Variants in PAX2 observed in about 807,000 individuals in gnomAD.
The protein encoded by PAX2 is paired box protein Pax-2.
PAX2 carries 9 observed loss-of-function variants against 41.7 expected under a neutral mutation model. The ratio of observed to expected loss-of-function variants is 0.22; its 90% CI spans 0.13 to 0.38. PAX2 has a LOEUF of 0.38. Among genes scored for constraint, PAX2 ranks in the 10% least tolerant of loss-of-function variants. The pLI is 1.00. For synonymous variants in PAX2, 221 were observed against 212.7 expected (o/e 1.04, Z -0.34); for missense variants, 418 against 531.6 (o/e 0.79, Z 2.10).
rs1847108393 is a variant in PAX2 at position 100,791,339 on chromosome 10, A to G, written c.616+9974A>G. On this transcript the variant is annotated intron_variant, in intron 5 of 9. Transcript: ENST00000355243. The surrounding 1 kb of genome is among the most constrained non-coding windows in gnomAD (Gnocchi z 4.5). ...TTCACCTTTTTCAGGAGGACTGGCT[A>G]GAGTGTGTGTGCATGTGTATGTGTG... Among the ~76,000 whole-genome samples the G allele has an allele frequency of 6.6e-6, 1 of 151,986 alleles. No individual in the cohort carries two copies.
At chr10:100,777,051 TAG>T (rs1291131621) in intron 3 of PAX2, among the ~76,000 whole-genome samples, 1 of 151,886 alleles carries the variant, frequency 6.6e-6, no homozygotes, top group Non-Finnish European at 1.5e-5. Flanking sequence ...ACAAAAAGCA[TAG>T]ATTTTAGAGG....
At chr10:100,738,297 G>A (rs764858109) in intron 1 of PAX2, among the ~76,000 whole-genome samples, 1 of 152,230 alleles carries the variant, frequency 6.6e-6, no homozygotes, top group African/African-American at 2.4e-5. Context: ...TAACTGCTGT[G>A]TTGACCTGCA....
chr10:100,781,639 A>G (rs1437931175), intron 5 of PAX2, among the ~76,000 whole-genome samples: 1 of 152,202 alleles, frequency 6.6e-6, no homozygotes, highest in African/African-American at 2.4e-5. Context: ...AGGAGAAGCA[A>G]GAACCGTTTA....
In PAX2 at chr10:100,824,970, T is replaced by G; in HGVS notation, c.1021+221T>G. On this transcript the variant is annotated intron_variant, in intron 8 of 9. Coordinates refer to ENST00000355243, the MANE Select transcript of PAX2 (RefSeq NM_000278.5). This position sits in a 1 kb window ranked among gnomAD's most constrained non-coding sequence, Gnocchi z 6.6. Reference sequence around the variant, plus strand: ...GAGGAAGCTTGCAGAAGTGCCCCCTTGTGTGCAACCCACTGTATGTCATGG... The same window carrying G: ...GAGGAAGCTTGCAGAAGTGCCCCCTGGTGTGCAACCCACTGTATGTCATGG... 6.2e-7 allele frequency: 1 copy of G among 1,613,956 alleles called. No homozygotes were observed. Among genetic ancestry groups the G allele is most frequent in the Non-Finnish European group, 8.5e-7 (1 of 1,179,922 alleles).
In PAX2 at chr10:100,819,125, G is replaced by A. The variant is rs1317668577; in HGVS notation, c.920-5523G>A. On this transcript the variant is annotated intron_variant, in intron 7 of 9. Coordinates refer to ENST00000355243, the MANE Select transcript of PAX2 (RefSeq NM_000278.5). ...TAGCTGGGTGCAGTGGCAGGCGCTT[G>A]TAATCCCAGCTACTCGTGAGGCTGA... Among the ~76,000 whole-genome samples the A allele has an allele frequency of 4.6e-5, 7 of 151,916 alleles. No homozygotes were observed. In the South Asian group the frequency reaches 1.0e-3, roughly 23 times the overall value.
rs201495362 is a variant in PAX2 at position 100,827,671 on chromosome 10, C to A, written c.*52C>A. The A allele has an allele frequency of 6.8e-6, 11 of 1,613,430 alleles. No homozygotes were observed. Among genetic ancestry groups the A allele is most frequent in the South Asian group, 6.6e-5 (6 of 91,050 alleles). On this transcript the variant is annotated 3_prime_UTR_variant, in exon 10 of 10. Coordinates refer to ENST00000355243, the MANE Select transcript of PAX2 (RefSeq NM_000278.5). This position sits in a 1 kb window ranked among gnomAD's most constrained non-coding sequence, Gnocchi z 8.5. ...AGGCCGACAGCTTCGGCCTCCACAT[C>A]GTCCCCGTCTGACCCCACCCCGGAG...
rs1362554569 is a variant in PAX2 at position 100,827,767 on chromosome 10, C to A, written c.*148C>A. On this transcript the variant is annotated 3_prime_UTR_variant, in exon 10 of 10. Coordinates refer to ENST00000355243, the MANE Select transcript of PAX2 (RefSeq NM_000278.5). The surrounding 1 kb of genome is among the most constrained non-coding windows in gnomAD (Gnocchi z 8.5). ...GCCTCACCCCATCCCACGACCCCCG[C>A]AACCCTTCACATCACCCCCCTCGAA... The A allele has an allele frequency of 8.6e-5, 103 of 1,199,734 alleles. No individual in the cohort carries two copies. The highest frequency in any genetic ancestry group is 1.2e-4 in the Non-Finnish European group (97 of 820,992). The allele number at this position is 1,199,734 out of a possible 1,614,324, so 74.3% of individuals were successfully genotyped here.
intron 1 of PAX2, among the ~76,000 whole-genome samples, chr10:100,736,529 C>G (rs1264601654): frequency 2.6e-5 from 4 of 152,136 alleles, no homozygotes; most frequent in Admixed American, 6.5e-5. Context: ...CCACAGAGGT[C>G]AAGGCCTAAT....
At chr10:100,758,419 C>T (rs992745776) in intron 3 of PAX2, among the ~76,000 whole-genome samples, 7 of 151,768 alleles carry the variant, frequency 4.6e-5, no homozygotes, top group Admixed American at 1.3e-4. Context: ...GGATTACAGG[C>T]GTGAGCCACC....
upstream of PAX2, among the ~76,000 whole-genome samples, chr10:100,741,950 C>T (rs994562101): frequency 2.0e-5 from 3 of 152,202 alleles, no homozygotes; most frequent in African/African-American, 7.2e-5. Flanking sequence ...TAGCCGCTCC[C>T]CGGGAAGTGG....
At position 100,827,612 on chromosome 10, in the gene PAX2, G is replaced by T. The variant is rs777673361; in HGVS notation, c.1178G>T (p.Arg393Leu). The change falls in exon 10 of 10, where the codon CGC becomes CTC. Residue 393 changes from arginine (R) to leucine (L), a missense_variant. By Grantham distance (102) the Arg-to-Leu change is moderately radical (BLOSUM62 -2). This residue lies in a region of PAX2 where 310 missense variants were observed against 325.2 expected (regional missense o/e 0.95). Coordinates refer to ENST00000355243, the MANE Select transcript of PAX2 (RefSeq NM_000278.5). The surrounding 1 kb of genome is among the most constrained non-coding windows in gnomAD (Gnocchi z 8.5). ...GCCGCTGCTGCCGCTGCCTATGACC[G>T]CCACTAGTTACCGCGGGGACCACAT... The part of the protein sequence containing the change: ...APAAAAAAYD[R>L]H 6.8e-6 allele frequency: 11 copies of T among 1,613,684 alleles called. No homozygotes were observed. Among genetic ancestry groups the T allele is most frequent in the Admixed American group, 5.0e-5 (3 of 60,024 alleles).
At chr10:100,779,298 T>A (rs867017311) in intron 3 of PAX2, among the ~76,000 whole-genome samples, 200 bp from the exon 4 acceptor site, 20 of 152,214 alleles carry the variant, frequency 1.3e-4, no homozygotes, top group African/African-American at 4.6e-4. Flanking sequence ...CACCCAGAGC[T>A]GCATTACGTT....
At chr10:100,815,127 C>T (rs527610426) in intron 7 of PAX2, among the ~76,000 whole-genome samples, 2 of 152,316 alleles carry the variant, frequency 1.3e-5, no homozygotes, top group South Asian at 4.1e-4. Flanking sequence ...ATCCTGAGGA[C>T]CTCCAGGAAC....
At chr10:100,742,647 C>A (rs1845002389), upstream of PAX2, among the ~76,000 whole-genome samples, 1 of 151,920 alleles carries the variant, frequency 6.6e-6, no homozygotes, top group African/African-American at 2.4e-5. Flanking sequence ...CGCAGGGAGG[C>A]GGGCTCCTTG....
chr10:100,799,708 T>C (rs1847472337), intron 5 of PAX2, among the ~76,000 whole-genome samples: 1 of 151,882 alleles, frequency 6.6e-6, no homozygotes, highest in Non-Finnish European at 1.5e-5. Flanking sequence ...TGAGTGTAGG[T>C]GAAAGCCCTA....
chr10:100,783,936 C>T (rs1303268149), intron 5 of PAX2, among the ~76,000 whole-genome samples: 1 of 152,078 alleles, frequency 6.6e-6, no homozygotes, highest in Non-Finnish European at 1.5e-5. Flanking sequence ...TCCTCTTGAC[C>T]AACCCCAGGC....
At chr10:100,786,606 G>A (rs1053963817) in intron 5 of PAX2, among the ~76,000 whole-genome samples, 4 of 152,204 alleles carry the variant, frequency 2.6e-5, no homozygotes, top group Admixed American at 2.0e-4. Flanking sequence ...GGTAGTGTGC[G>A]TGCTTGGAGA....
rs1187660817 is a variant in PAX2 at position 100,746,157 on chromosome 10, C to T, written c.-104C>T. Reference sequence around the variant, plus strand: ...CGCAGCAGCCGGGCGTTCACTCATCCTCCCTCCCCCACCGTCCCTCCCTTT... The same window carrying T: ...CGCAGCAGCCGGGCGTTCACTCATCTTCCCTCCCCCACCGTCCCTCCCTTT... On this transcript the variant is annotated 5_prime_UTR_variant, in exon 1 of 10. Transcript: ENST00000355243. 1 of 1,600,408 alleles carries T rather than the reference C, an allele frequency of 6.2e-7. No individual in the cohort carries two copies. Among genetic ancestry groups the T allele is most frequent in the East Asian group, 2.2e-5 (1 of 44,776 alleles).
At position 100,750,953 on chromosome 10, in the gene PAX2, T is replaced by A; in HGVS notation, c.410+62T>A. ...AGCTCCTGGCTCCTGCCTGCAGGGGTGTCCCACGCCCAGTCTCTGCTCTTT... is the reference window on the plus strand; with the variant it reads ...AGCTCCTGGCTCCTGCCTGCAGGGGAGTCCCACGCCCAGTCTCTGCTCTTT... On this transcript the variant is annotated intron_variant, in intron 3 of 9. Coordinates refer to ENST00000355243, the MANE Select transcript of PAX2 (RefSeq NM_000278.5). The surrounding 1 kb of genome is among the most constrained non-coding windows in gnomAD (Gnocchi z 4.1). The A allele has an allele frequency of 1.6e-6, 2 of 1,250,248 alleles. No individual in the cohort carries two copies. The highest frequency in any genetic ancestry group is 2.3e-6 in the Non-Finnish European group (2 of 852,560). 77.4% of individuals were successfully genotyped at this position (1,250,248 alleles called of 1,614,324 possible).
Sources: allele counts gnomAD v4.1 joint callset (sites outside exome capture counted in the v4.1 genomes callset), GRCh38; gene constraint gnomAD v4.1.1; regional missense constraint gnomAD v4.1.1; non-coding constraint Gnocchi (gnomAD v3.1); transcripts MANE v1.5; gene names NCBI Gene and HGNC (gene_info 2026-07-23, HGNC 2026-07-21).